Variants in GRIN2B observed in about 807,000 individuals in gnomAD.
The protein encoded by GRIN2B is glutamate receptor ionotropic, NMDA 2B.
A neutral mutation model predicts 114.5 loss-of-function variants in GRIN2B; 5 were observed. The ratio of observed to expected loss-of-function variants is 0.04; its 90% CI spans 0.02 to 0.09. GRIN2B has a LOEUF of 0.09. Among genes scored for constraint, GRIN2B ranks in the 10% least tolerant of loss-of-function variants. The pLI is 1.00. For synonymous variants in GRIN2B, 787 were observed against 745.1 expected (o/e 1.06, Z -0.92); for missense variants, 1,108 against 1,943.5 (o/e 0.57, Z 8.08).
intron 5 of GRIN2B, among the ~76,000 whole-genome samples, chr12:13,666,349 C>T (rs536020528): frequency 5.6e-4 from 85 of 152,250 alleles, no homozygotes; most frequent in African/African-American, 2.0e-3. Context: ...CGAAGGACAC[C>T]TGGCCACAGA....
intron 4 of GRIN2B, among the ~76,000 whole-genome samples, chr12:13,676,406 T>C (rs779229913): frequency 3.3e-5 from 5 of 152,122 alleles, no homozygotes; most frequent in African/African-American, 4.8e-5. Context: ...AGGTATGACT[T>C]TGAGCAAATT....
chr12:13,581,346 A>G (rs1806216), intron 10 of GRIN2B, among the ~76,000 whole-genome samples: 7,399 of 152,290 alleles, frequency 0.049, 228 homozygotes, highest in East Asian at 0.096. Context: ...TAAATCTTCC[A>G]TAATAATACC....
chr12:13,726,200 CAT>C (rs1429403194), intron 4 of GRIN2B, among the ~76,000 whole-genome samples: 1 of 151,882 alleles, frequency 6.6e-6, no homozygotes, highest in African/African-American at 2.4e-5. Flanking sequence ...TTCAAAGACT[CAT>C]AATAGCCTAG....
intron 2 of GRIN2B, among the ~76,000 whole-genome samples, chr12:13,875,324 C>G (rs1403356353): frequency 6.6e-6 from 1 of 152,088 alleles, no homozygotes; most frequent in Admixed American, 6.6e-5. Flanking sequence ...GTCAAGAGAT[C>G]GAGACCATCC....
At chr12:13,889,492 A>G (rs1180558490) in intron 2 of GRIN2B, among the ~76,000 whole-genome samples, 1 of 152,232 alleles carries the variant, frequency 6.6e-6, no homozygotes, top group Non-Finnish European at 1.5e-5. Flanking sequence ...CAACTATTTT[A>G]TAACCTTTAC....
At chr12:13,570,429 A>G (rs867798704) in intron 11 of GRIN2B, among the ~76,000 whole-genome samples, 3 of 152,130 alleles carry the variant, frequency 2.0e-5, no homozygotes, top group South Asian at 2.1e-4. Flanking sequence ...TGGAGTGGGG[A>G]TAAGTGTAGG....
chr12:13,717,613 G>C (rs1950468097), intron 4 of GRIN2B, among the ~76,000 whole-genome samples: 2 of 151,948 alleles, frequency 1.3e-5, no homozygotes, highest in African/African-American at 4.8e-5. Context: ...TAATGCAGTA[G>C]ACGCGCGAGA....
At chr12:13,735,897 A>ATT (rs3216540) in intron 4 of GRIN2B, among the ~76,000 whole-genome samples, 287 of 148,300 alleles carry the variant, frequency 1.9e-3, no homozygotes, top group South Asian at 4.3e-3. Context: ...GGAAGACAGG[A>ATT]TTTTTTTTTT....
At position 13,883,145 on chromosome 12, in the gene GRIN2B, A is replaced by G. The variant is rs1417120683; in HGVS notation, c.-18-16919T>C. ...TGTATAGATTTATCACAATATGTTT[A>G]TTGATTCACTGTTGATGGACATTAA... On this transcript the variant is annotated intron_variant, in intron 2 of 13. Transcript: ENST00000609686. Among the ~76,000 whole-genome samples the G allele has an allele frequency of 2.0e-5, 3 of 152,160 alleles. 1 individual carries two copies. The highest frequency in any genetic ancestry group is 4.4e-5 in the Non-Finnish European group (3 of 68,016).
chr12:13,786,730 T>C (rs541120124), intron 3 of GRIN2B, among the ~76,000 whole-genome samples: 1 of 151,930 alleles, frequency 6.6e-6, no homozygotes, highest in South Asian at 2.1e-4. Flanking sequence ...AGGTGAACCA[T>C]GTAAGCTTGG....
chr12:13,914,303 C>G (rs1489847234), intron 2 of GRIN2B, among the ~76,000 whole-genome samples: 4 of 152,146 alleles, frequency 2.6e-5, no homozygotes, highest in South Asian at 2.1e-4. Flanking sequence ...GCACCCTTTT[C>G]CATGGTACTT....
At chr12:13,624,978 A>G (rs1241133977) in intron 5 of GRIN2B, among the ~76,000 whole-genome samples, 4 of 152,134 alleles carry the variant, frequency 2.6e-5, no homozygotes, top group African/African-American at 9.7e-5. Flanking sequence ...GAAGTTGTTG[A>G]TTCTCTCAGC....
chr12:13,841,811 T>C (rs892758229), intron 3 of GRIN2B, among the ~76,000 whole-genome samples: 1 of 152,200 alleles, frequency 6.6e-6, no homozygotes, highest in Non-Finnish European at 1.5e-5. Context: ...TAAAGGACTG[T>C]TCTTTATTCT....
At chr12:13,739,782 T>C (rs533774494) in intron 4 of GRIN2B, among the ~76,000 whole-genome samples, 1 of 152,290 alleles carries the variant, frequency 6.6e-6, no homozygotes, top group Non-Finnish European at 1.5e-5. Context: ...TCCCTAAGGA[T>C]TGAGCCACTA....
In GRIN2B at chr12:13,563,161, G is replaced by A. The variant is rs375217280; in HGVS notation, c.4077C>T (p.Ala1359=). ...CGGGGTTGTTGTGGTGGTGATGTCC[G>A]GCAGTGGGCACTGAGGACTTGTTGT... is the stretch of plus-strand genomic sequence containing the variant. ...FANNKSSVPT[A]GHHHHNNPGG... Residue 1359 remains alanine (A), a synonymous_variant, in exon 14 of 14, where the codon GCC becomes GCT. Transcript: ENST00000609686. 2.4e-5 allele frequency: 38 copies of A among 1,614,064 alleles called. No individual in the cohort carries two copies. The South Asian group carries it at 3.0e-4, about 13-fold the overall frequency.
At chr12:13,713,127 GAC>G (rs1950428531) in intron 4 of GRIN2B, among the ~76,000 whole-genome samples, 1 of 151,908 alleles carries the variant, frequency 6.6e-6, no homozygotes, top group Non-Finnish European at 1.5e-5. Flanking sequence ...CAATCAACAA[GAC>G]ATGAAACATT....
intron 4 of GRIN2B, among the ~76,000 whole-genome samples, chr12:13,689,756 C>G (rs113732409): frequency 6.6e-6 from 1 of 152,302 alleles, no homozygotes; most frequent in Non-Finnish European, 1.5e-5. Flanking sequence ...TCCCTTCTAC[C>G]TGTTTGGAAT....
chr12:13,938,690 G>A (rs1867174532), intron 2 of GRIN2B, among the ~76,000 whole-genome samples: 1 of 152,172 alleles, frequency 6.6e-6, no homozygotes, highest in Non-Finnish European at 1.5e-5. Flanking sequence ...AATTTGTGGG[G>A]ATACAGATAA....
At chr12:13,688,286 C>A (rs1950187851) in intron 4 of GRIN2B, among the ~76,000 whole-genome samples, 4 of 152,148 alleles carry the variant, frequency 2.6e-5, no homozygotes, top group Admixed American at 1.3e-4. Flanking sequence ...GCCCTAGGCT[C>A]TTGATTATGA....
Sources: gnomAD v4.1 joint callset for allele counts (sites outside exome capture counted in the v4.1 genomes callset) on GRCh38, gnomAD v4.1.1 for gene constraint, MANE v1.5 for transcripts, NCBI Gene and HGNC (gene_info 2026-07-23, HGNC 2026-07-21) for gene names.